The following STX8 variants were observed in gnomAD, a reference collection of about 807,000 sequenced individuals.
STX8 encodes syntaxin 8.
STX8 carries 23 observed loss-of-function variants against 37.5 expected under a neutral mutation model. The observed-to-expected ratio is 0.61, with a 90% CI of 0.44 to 0.87. The LOEUF (loss-of-function observed/expected upper bound fraction) is 0.87. Ranked by LOEUF, STX8 falls within the 40% of genes least tolerant of loss-of-function variation. STX8 has a pLI of 0.00. For missense variants in STX8, 313 were observed against 284.7 expected, an observed-to-expected ratio of 1.10 and a Z score of -0.71; for synonymous variants, 115 against 99.1, an observed-to-expected ratio of 1.16 and a Z score of -0.95.
At chr17:9,483,326 G>GC (rs953209868) in intron 6 of STX8, among the ~76,000 whole-genome samples, 10 of 152,178 alleles carry the variant, frequency 6.6e-5, no homozygotes, top group African/African-American at 2.4e-4. Context: ...TCACTGCACT[G>GC]CTTCAATCTT....
At chr17:9,540,033 T>C (rs1362413719) in intron 4 of STX8, among the ~76,000 whole-genome samples, 1 of 152,154 alleles carries the variant, frequency 6.6e-6, no homozygotes, top group Non-Finnish European at 1.5e-5. Flanking sequence ...AGAGAACTAT[T>C]AGGTATGAGA....
At chr17:9,273,691 C>A (rs1292755131) in intron 7 of STX8, among the ~76,000 whole-genome samples, 1 of 152,264 alleles carries the variant, frequency 6.6e-6, no homozygotes, top group Non-Finnish European at 1.5e-5. Flanking sequence ...CTGATGATTT[C>A]AAAATTTATC....
intron 6 of STX8, among the ~76,000 whole-genome samples, chr17:9,398,982 G>A (rs200943122): frequency 6.6e-6 from 1 of 150,908 alleles, no homozygotes; most frequent in East Asian, 2.0e-4. Flanking sequence ...CTGGGAAGTG[G>A]AGGTTGCAGT....
chr17:9,280,497 G>A (rs568988045), intron 7 of STX8, among the ~76,000 whole-genome samples: 22 of 152,194 alleles, frequency 1.4e-4, no homozygotes, highest in Non-Finnish European at 2.2e-4. Flanking sequence ...AGGTTGCAGT[G>A]AGCCAAGATC....
chr17:9,529,271 G>C (rs950567136), intron 4 of STX8, among the ~76,000 whole-genome samples: 1 of 151,224 alleles, frequency 6.6e-6, no homozygotes, highest in African/African-American at 2.4e-5. Flanking sequence ...GAGAGAGAGA[G>C]AGTGTGTGGG....
rs995605256 is a variant in STX8, at chr17:9,507,522, G to A, written c.324-2360C>T. Reference sequence around the variant, plus strand: ...TCCCCAGCAGGCATTCCCCACAGGAGAGCTGAGCAGCAGTGTGCCCATGTC... The same window carrying A: ...TCCCCAGCAGGCATTCCCCACAGGAAAGCTGAGCAGCAGTGTGCCCATGTC... On this transcript the variant is annotated intron_variant, in intron 4 of 7. Coordinates refer to ENST00000306357, the MANE Select transcript of STX8 (RefSeq NM_004853.3). This position sits in a 1 kb window ranked among gnomAD's most constrained non-coding sequence, Gnocchi z 4.0. 6.6e-6 allele frequency among the ~76,000 whole-genome samples: 1 copy of A among 152,158 alleles called. No homozygotes were observed. The highest frequency in any genetic ancestry group is 2.4e-5 in the African/African-American group (1 of 41,434).
chr17:9,486,594 T>C (rs1339808872), intron 6 of STX8, among the ~76,000 whole-genome samples: 1 of 152,202 alleles, frequency 6.6e-6, no homozygotes, highest in Non-Finnish European at 1.5e-5. Flanking sequence ...CTCAAGCCTG[T>C]AGTCCCAATA....
rs55853449 is a variant in STX8, at chr17:9,563,152, CATTTATTTATTTATTT to C, written c.117+5203_117+5218del. On this transcript the variant is annotated intron_variant, in intron 2 of 7. Coordinates refer to ENST00000306357, the MANE Select transcript of STX8 (RefSeq NM_004853.3). ...AGTATCTGTCATTCATTCATTCATC[CATTTATTTATTTATTT>C]ATTTATTTATTTATTTATTTATTTA... Among the ~76,000 whole-genome samples, 539 of 142,072 alleles carry C rather than the reference CATTTATTTATTTATTT, an allele frequency of 3.8e-3. 6 individuals are homozygous for C. Among genetic ancestry groups the C allele is most frequent in the African/African-American group, 0.012 (469 of 38,736 alleles). 93.2% of individuals were successfully genotyped at this position (142,072 alleles called of 152,430 possible).
chr17:9,356,993 A>C (rs1305630133), intron 7 of STX8, among the ~76,000 whole-genome samples: 1 of 98,224 alleles, frequency 1.0e-5, no homozygotes, highest in African/African-American at 3.8e-5. Context: ...TTTTAGGCAA[A>C]GTCTTGCTCT....
intron 4 of STX8, among the ~76,000 whole-genome samples, chr17:9,542,254 A>C (rs145743799): frequency 0.011 from 1,701 of 152,244 alleles, 35 homozygotes; most frequent in African/African-American, 0.038. Context: ...GCTACTCGGG[A>C]GGCTGAGGCA....
At chr17:9,336,173 G>T (rs1452786874) in intron 7 of STX8, among the ~76,000 whole-genome samples, 1 of 152,136 alleles carries the variant, frequency 6.6e-6, no homozygotes. Context: ...AACTTTATCG[G>T]TATGAGGATT....
At chr17:9,565,592 G>GGA (rs1446178940) in intron 2 of STX8, among the ~76,000 whole-genome samples, 1 of 91,296 alleles carries the variant, frequency 1.1e-5, no homozygotes, top group Admixed American at 9.4e-5. Context: ...CTCCAGCCTA[G>GGA]GTGAGAAGAA....
intron 6 of STX8, among the ~76,000 whole-genome samples, chr17:9,477,081 C>T (rs1014059605): frequency 5.3e-5 from 8 of 152,074 alleles, no homozygotes; most frequent in African/African-American, 1.9e-4. Flanking sequence ...TGGTCTCAAA[C>T]TCCTGGGCCT....
Position 9,431,586 on chromosome 17 carries a change from C to T in STX8, c.542-52933G>A, listed in dbSNP as rs73973748. 3.0e-3 allele frequency among the ~76,000 whole-genome samples: 461 copies of T among 152,266 alleles called. 3 individuals carry two copies. Among genetic ancestry groups the T allele is most frequent in the African/African-American group, 0.01 (425 of 41,558 alleles). On this transcript the variant is annotated intron_variant, in intron 6 of 7. Transcript: ENST00000306357. Reference sequence around the variant, plus strand: ...CTGGGATTACAGGCGTGAGCCACCGCGGCTGGCCAAGGGCAGCAGGTTTAA... The same window carrying T: ...CTGGGATTACAGGCGTGAGCCACCGTGGCTGGCCAAGGGCAGCAGGTTTAA...
chr17:9,560,222 AC>A (rs1907170345), intron 2 of STX8, among the ~76,000 whole-genome samples: 1 of 149,900 alleles, frequency 6.7e-6, no homozygotes, highest in East Asian at 2.0e-4. Flanking sequence ...ACATGGTGAA[AC>A]CCTGTCACTA....
Position 9,503,416 on chromosome 17 carries a change from C to G in STX8, c.448+1622G>C, listed in dbSNP as rs761524643. Reference sequence around the variant, plus strand: ...GCAGTGATGGTTTCACAGGCATATACATATGTCAAAGCTTATCAAATCATA... The same window carrying G: ...GCAGTGATGGTTTCACAGGCATATAGATATGTCAAAGCTTATCAAATCATA... On this transcript the variant is annotated intron_variant, in intron 5 of 7. Transcript: ENST00000306357. Among the ~76,000 whole-genome samples the G allele has an allele frequency of 1.2e-4, 19 of 152,276 alleles. No homozygotes were observed. In the South Asian group the frequency reaches 3.5e-3, roughly 28 times the overall value.
In STX8 at chr17:9,507,911, C is replaced by T. The variant is rs974645241; in HGVS notation, c.324-2749G>A. 2.0e-5 allele frequency among the ~76,000 whole-genome samples: 3 copies of T among 152,190 alleles called. No individual in the cohort carries two copies. The highest frequency in any genetic ancestry group is 2.9e-5 in the Non-Finnish European group (2 of 68,040). Reference sequence around the variant, plus strand: ...CCCACTGAACCAACACCCCAAGATCCATTCATACAAATATTTCTTTCCCTG... The same window carrying T: ...CCCACTGAACCAACACCCCAAGATCTATTCATACAAATATTTCTTTCCCTG... On this transcript the variant is annotated intron_variant, in intron 4 of 7. Coordinates refer to ENST00000306357, the MANE Select transcript of STX8 (RefSeq NM_004853.3). This position sits in a 1 kb window ranked among gnomAD's most constrained non-coding sequence, Gnocchi z 4.0.
rs145906997 is a variant in STX8, at chr17:9,265,049, G to A, written c.644-14404C>T. Reference sequence around the variant, plus strand: ...TGGGAGGATCACTTGAGTTCAGGAGGTAGAGGTTACAGTGAGCCATGATTG... The same window carrying A: ...TGGGAGGATCACTTGAGTTCAGGAGATAGAGGTTACAGTGAGCCATGATTG... On this transcript the variant is annotated intron_variant, in intron 7 of 7. Coordinates refer to ENST00000306357, the MANE Select transcript of STX8 (RefSeq NM_004853.3). Among the ~76,000 whole-genome samples, 218 of 150,446 alleles carry A rather than the reference G, an allele frequency of 1.4e-3. 3 individuals are homozygous for A. The highest frequency in any genetic ancestry group is 5.0e-3 in the African/African-American group (203 of 40,904).
intron 2 of STX8, among the ~76,000 whole-genome samples, chr17:9,565,989 A>G (rs570204988): frequency 6.6e-6 from 1 of 152,356 alleles, no homozygotes; most frequent in South Asian, 2.1e-4. Flanking sequence ...GCTTCTGCAC[A>G]GAAAAGGAAA....
Sources: allele counts gnomAD v4.1 joint callset (sites outside exome capture counted in the v4.1 genomes callset), GRCh38; gene constraint gnomAD v4.1.1; non-coding constraint Gnocchi (gnomAD v3.1); transcripts MANE v1.5; gene names NCBI Gene and HGNC (gene_info 2026-07-23, HGNC 2026-07-21).